PDZD8: variants seen among roughly 807,000 people sequenced by gnomAD.
PDZD8 encodes the protein PDZ domain-containing protein 8.
In PDZD8, 14 loss-of-function variants were observed where a neutral mutation model predicts 85.8. The ratio of observed to expected loss-of-function variants is 0.16; its 90% CI spans 0.11 to 0.26. The LOEUF is 0.26. Among genes scored for constraint, PDZD8 ranks in the 10% least tolerant of loss-of-function variants. The probability of loss-of-function intolerance (pLI) is 1.00; values close to 1 mark genes in which losing one functional copy is unlikely to be tolerated. For missense variants in PDZD8, 1,197 were observed against 1,424.3 expected, an observed-to-expected ratio of 0.84 and a Z score of 2.57; for synonymous variants, 592 against 568.6, an observed-to-expected ratio of 1.04 and a Z score of -0.59.
intron 3 of PDZD8, among the ~76,000 whole-genome samples, chr10:117,293,639 T>A (rs760079698): frequency 2.4e-4 from 36 of 152,108 alleles, no homozygotes; most frequent in Admixed American, 6.6e-4. Flanking sequence ...ATAACTTGGT[T>A]TCTTCATCCC....
chr10:117,321,215 C>T (rs934647596), intron 2 of PDZD8, among the ~76,000 whole-genome samples: 23 of 152,072 alleles, frequency 1.5e-4, no homozygotes, highest in African/African-American at 5.6e-4. Context: ...TTATTCATAC[C>T]TAATAGCCAA....
At chr10:117,337,879 T>C (rs545947382) in intron 2 of PDZD8, among the ~76,000 whole-genome samples, 1 of 152,326 alleles carries the variant, frequency 6.6e-6, no homozygotes, top group South Asian at 2.1e-4. Flanking sequence ...AAAGTCTATG[T>C]TATTCCACTA....
chr10:117,312,506 G>A (rs945758966), intron 3 of PDZD8, among the ~76,000 whole-genome samples: 6 of 152,148 alleles, frequency 3.9e-5, no homozygotes, highest in East Asian at 1.9e-4. Context: ...GATACATAGC[G>A]TAAAAAAAAT....
At chr10:117,342,158 A>C (rs1844624555) in intron 1 of PDZD8, among the ~76,000 whole-genome samples, 1 of 152,186 alleles carries the variant, frequency 6.6e-6, no homozygotes, top group African/African-American at 2.4e-5. Flanking sequence ...TATGCTCATC[A>C]CTAATATTGT....
chr10:117,357,766 C>CAAAAAAAAAAAAAAAA (rs767138640), intron 1 of PDZD8, among the ~76,000 whole-genome samples: 2 of 47,468 alleles, frequency 4.2e-5, no homozygotes, highest in African/African-American at 1.8e-4. Flanking sequence ...ACTTCATCTC[C>CAAAAAAAAAAAAAAAA]AAAAAAAAAA....
chr10:117,289,129 G>A (rs1283138211), intron 4 of PDZD8, among the ~76,000 whole-genome samples: 5 of 152,206 alleles, frequency 3.3e-5, no homozygotes, highest in Non-Finnish European at 5.9e-5. Flanking sequence ...TCCTGATTCA[G>A]AATGCACATT....
intron 3 of PDZD8, among the ~76,000 whole-genome samples, chr10:117,305,522 G>GGA (rs1329942323): frequency 3.4e-4 from 41 of 121,640 alleles, no homozygotes; most frequent in African/African-American, 1.2e-3. Flanking sequence ...ACACATATAT[G>GGA]GAGAGAGAGA....
At chr10:117,297,501 A>G (rs769840321) in intron 3 of PDZD8, among the ~76,000 whole-genome samples, 1 of 152,098 alleles carries the variant, frequency 6.6e-6, no homozygotes, top group Non-Finnish European at 1.5e-5. Context: ...TGGTCAAATG[A>G]TGAGGTGAAC....
At chr10:117,358,064 A>G (rs748903957) in intron 1 of PDZD8, among the ~76,000 whole-genome samples, 34 of 152,076 alleles carry the variant, frequency 2.2e-4, no homozygotes, top group Non-Finnish European at 3.4e-4. Flanking sequence ...ATGACTGTTC[A>G]TCTTACTATT....
In PDZD8 at chr10:117,283,014, G is replaced by A; in HGVS notation, c.*254C>T. ...CTTACATAATTACATAATTAGAAAA[G>A]TTAAATAATTTAGTAAAAATAAATT... On this transcript the variant is annotated 3_prime_UTR_variant, in exon 5 of 5. Coordinates refer to ENST00000334464, the MANE Select transcript of PDZD8 (RefSeq NM_173791.5). 1 of 411,516 alleles carries A rather than the reference G, an allele frequency of 2.4e-6. No homozygotes were observed. Among genetic ancestry groups the A allele is most frequent in the Non-Finnish European group, 4.3e-6 (1 of 234,204 alleles). 25.5% of individuals were successfully genotyped at this position (411,516 alleles called of 1,614,324 possible).
At chr10:117,332,020 C>A (rs1844427884) in intron 2 of PDZD8, among the ~76,000 whole-genome samples, 1 of 152,142 alleles carries the variant, frequency 6.6e-6, no homozygotes, top group South Asian at 2.1e-4. Flanking sequence ...CATCACTCAA[C>A]TTTTATTTAA....
At chr10:117,296,442 C>T (rs1843759925) in intron 3 of PDZD8, among the ~76,000 whole-genome samples, 2 of 152,020 alleles carry the variant, frequency 1.3e-5, no homozygotes, top group Non-Finnish European at 2.9e-5. Context: ...AATTTATCTA[C>T]AAATTCAACA....
intron 2 of PDZD8, among the ~76,000 whole-genome samples, chr10:117,328,813 T>C (rs1417471471): frequency 6.6e-6 from 1 of 152,180 alleles, no homozygotes; most frequent in African/African-American, 2.4e-5. Context: ...ATTAGATCTA[T>C]AATTAAATAT....
intron 1 of PDZD8, 140 bp from the exon 2 acceptor site, chr10:117,341,242 C>T (rs758849838): frequency 6.4e-4 from 560 of 869,358 alleles, no homozygotes; most frequent in Non-Finnish European, 8.4e-4. Flanking sequence ...AAGCTTACCA[C>T]ACTCCCCCAT....
chr10:117,327,420 C>T (rs1844337063), intron 2 of PDZD8, among the ~76,000 whole-genome samples: 1 of 152,170 alleles, frequency 6.6e-6, no homozygotes, highest in South Asian at 2.1e-4. Flanking sequence ...CAAATAGATG[C>T]CAACAGACTA....
In PDZD8 at chr10:117,279,749, T is replaced by A. The variant is rs1401622831; in HGVS notation, c.*3519A>T. ...AGCTGTAATATCCACCCATTTGACT[T>A]AATCCCGGGGGAGTTTGTAAAACCG... On this transcript the variant is annotated 3_prime_UTR_variant, in exon 5 of 5. Transcript: ENST00000334464. 1 of 152,170 alleles carries A rather than the reference T, an allele frequency of 6.6e-6. No homozygotes were observed. Among genetic ancestry groups the A allele is most frequent in the Non-Finnish European group, 1.5e-5 (1 of 68,018 alleles). The allele number at this position is 152,170 out of a possible 1,614,324, so 9.4% of individuals were successfully genotyped here.
intron 2 of PDZD8, among the ~76,000 whole-genome samples, chr10:117,324,987 A>T (rs1307342243): frequency 6.6e-6 from 1 of 152,308 alleles, no homozygotes; most frequent in East Asian, 1.9e-4. Flanking sequence ...AAGTTTCTTA[A>T]GAATCTGTTC....
intron 1 of PDZD8, among the ~76,000 whole-genome samples, chr10:117,355,690 A>C (rs1007934451): frequency 3.9e-5 from 6 of 152,222 alleles, no homozygotes; most frequent in Non-Finnish European, 5.9e-5. Flanking sequence ...AATAATGAAA[A>C]GCACTTAGTA....
At chr10:117,352,834 C>T (rs1451944246) in intron 1 of PDZD8, among the ~76,000 whole-genome samples, 1 of 152,074 alleles carries the variant, frequency 6.6e-6, no homozygotes, top group Non-Finnish European at 1.5e-5. Flanking sequence ...GTACTCAAAT[C>T]ACTTCATTCA....
Sources: allele counts gnomAD v4.1 joint callset (sites outside exome capture counted in the v4.1 genomes callset), GRCh38; gene constraint gnomAD v4.1.1; transcripts MANE v1.5; gene names NCBI Gene and HGNC (gene_info 2026-07-23, HGNC 2026-07-21).